The following LCK variants were observed in gnomAD, a reference collection of about 807,000 sequenced individuals.
The protein encoded by LCK is LCK proto-oncogene, Src family tyrosine kinase.
Under a neutral mutation model 64.6 loss-of-function variants are expected in LCK, and 14 were observed. That is an observed-to-expected ratio of 0.22 (90% confidence interval 0.14 to 0.34). LCK has a LOEUF of 0.34. LCK is among the 10% of genes least tolerant of loss of function. The probability of loss-of-function intolerance (pLI) is 1.00; values close to 1 mark genes in which losing one functional copy is unlikely to be tolerated. For synonymous variants in LCK, 277 were observed against 263.6 expected, an observed-to-expected ratio of 1.05 and a Z score of -0.49; for missense variants, 434 against 668.1, an observed-to-expected ratio of 0.65 and a Z score of 3.86.
intron 1 of LCK, among the ~76,000 whole-genome samples, chr1:32,273,335 A>G (rs1640162846): frequency 7.9e-6 from 1 of 125,828 alleles, no homozygotes; most frequent in Non-Finnish European, 1.7e-5. Context: ...GAGGTGGGAT[A>G]GGGGGTGCCT....
intron 12 of LCK, among the ~76,000 whole-genome samples, chr1:32,283,475 C>T (rs1391348464): frequency 6.6e-6 from 1 of 151,994 alleles, no homozygotes; most frequent in East Asian, 1.9e-4. Flanking sequence ...AATCTTTGTT[C>T]AGAAGACTGA....
At chr1:32,258,803 CAA>C (rs58703501) in intron 1 of LCK, among the ~76,000 whole-genome samples, 5,032 of 60,598 alleles carry the variant, frequency 0.083, 144 homozygotes, top group South Asian at 0.24. Context: ...GACTCCGTCT[CAA>C]AAAAAAAAAA....
At chr1:32,268,215 A>T (rs756042972) in intron 1 of LCK, among the ~76,000 whole-genome samples, 1 of 152,120 alleles carries the variant, frequency 6.6e-6, no homozygotes, top group African/African-American at 2.4e-5. Flanking sequence ...AAAAGAAAAA[A>T]GTAATGAGAG....
rs1191006285 is a variant in LCK, at chr1:32,275,781, C to G, written c.481+109C>G. On this transcript the variant is annotated intron_variant, in intron 6 of 12. Transcript: ENST00000336890. The surrounding 1 kb of genome is among the most constrained non-coding windows in gnomAD (Gnocchi z 6.9). ...ACACGGGGTGAGTCGGAGGGGGACGCGGGATGAGCCCGAGGTGGGGGCGCG... is the reference window on the plus strand; with the variant it reads ...ACACGGGGTGAGTCGGAGGGGGACGGGGGATGAGCCCGAGGTGGGGGCGCG... 4 of 1,331,544 alleles carry G rather than the reference C, an allele frequency of 3.0e-6. No individual in the cohort carries two copies. The highest frequency in any genetic ancestry group is 4.4e-5 in the Admixed American group (2 of 45,060). 82.5% of individuals were successfully genotyped at this position (1,331,544 alleles called of 1,614,324 possible). A position where few individuals can be genotyped will look rare whatever the true frequency, so the allele number is the denominator to read the frequency against.
At chr1:32,256,598 TAAA>T (rs947732140) in intron 1 of LCK, among the ~76,000 whole-genome samples, 1 of 146,198 alleles carries the variant, frequency 6.8e-6, no homozygotes, top group Non-Finnish European at 1.5e-5. Context: ...AACTCTGTCT[TAAA>T]AAAAAAAAGT....
chr1:32,282,529 G>C (rs181738925), intron 12 of LCK, among the ~76,000 whole-genome samples: 239 of 152,266 alleles, frequency 1.6e-3, no homozygotes, highest in African/African-American at 5.4e-3. Flanking sequence ...CTAGGGGCTG[G>C]GCACGGTGAC....
chr1:32,285,242 G>A (rs1246724962), intron 12 of LCK, among the ~76,000 whole-genome samples: 2 of 149,276 alleles, frequency 1.3e-5, no homozygotes, highest in African/African-American at 4.9e-5. Flanking sequence ...TGGAGGTTGC[G>A]GTGAGCCGAG....
chr1:32,258,452 A>G (rs1182401194), intron 1 of LCK, among the ~76,000 whole-genome samples: 1 of 149,736 alleles, frequency 6.7e-6, no homozygotes, highest in East Asian at 2.0e-4. Context: ...CCTGGGTGAC[A>G]GAGTGAGATG....
intron 1 of LCK, among the ~76,000 whole-genome samples, chr1:32,272,572 C>CG (rs1640105319): frequency 8.1e-5 from 4 of 49,250 alleles, no homozygotes; most frequent in East Asian, 1.9e-3. Context: ...GACCCTGTCT[C>CG]AAGAGAGAGA....
intron 1 of LCK, among the ~76,000 whole-genome samples, chr1:32,257,939 A>G (rs1289109793): frequency 1.3e-5 from 2 of 152,022 alleles, no homozygotes; most frequent in East Asian, 3.8e-4. Flanking sequence ...ATCCAAAATA[A>G]TGCTTTTTTT....
Position 32,254,442 on chromosome 1 carries a change from T to A in LCK, c.-6+3071T>A, listed in dbSNP as rs572540798. ...TTCCAGTGATTCTCCTGCCTTAGCC[T>A]CCCCAGTAACTGGGATTACAGGCGT... On this transcript the variant is annotated intron_variant, in intron 1 of 12. Transcript: ENST00000336890. Among the ~76,000 whole-genome samples, 11 of 152,300 alleles carry A rather than the reference T, an allele frequency of 7.2e-5. No individual in the cohort carries two copies. The South Asian group carries it at 1.9e-3, about 26-fold the overall frequency.
At chr1:32,263,928 A>G (rs1246582655) in intron 1 of LCK, among the ~76,000 whole-genome samples, 1 of 151,934 alleles carries the variant, frequency 6.6e-6, no homozygotes, top group African/African-American at 2.4e-5. Context: ...AAAAAAAAAA[A>G]GAAGAAGACC....
At position 32,268,566 on chromosome 1, in the gene LCK, C is replaced by A. The variant is rs555464657; in HGVS notation, c.-5-5759C>A. On this transcript the variant is annotated intron_variant, in intron 1 of 12. Coordinates refer to ENST00000336890, the MANE Select transcript of LCK (RefSeq NM_005356.5). ...TTTTGTGATTATTACACATTGTATGCCTCTATCAAAATATATCATGTACCC... is the reference window on the plus strand; with the variant it reads ...TTTTGTGATTATTACACATTGTATGACTCTATCAAAATATATCATGTACCC... 1.3e-3 allele frequency among the ~76,000 whole-genome samples: 195 copies of A among 151,836 alleles called. No homozygotes were observed. In the Middle Eastern group the frequency reaches 0.027, roughly 21 times the overall value.
At chr1:32,256,815 T>C (rs1639643593) in intron 1 of LCK, among the ~76,000 whole-genome samples, 1 of 152,158 alleles carries the variant, frequency 6.6e-6, no homozygotes, top group South Asian at 2.1e-4. Flanking sequence ...GTGTAAGTGA[T>C]TTTAGGGGAT....
chr1:32,284,910 G>A (rs1640569276), intron 12 of LCK, among the ~76,000 whole-genome samples: 1 of 152,182 alleles, frequency 6.6e-6, no homozygotes, highest in Non-Finnish European at 1.5e-5. Flanking sequence ...CTTGAACGGA[G>A]GAGTTCAAAT....
At chr1:32,264,961 CT>C (rs1220122647) in intron 1 of LCK, among the ~76,000 whole-genome samples, 2 of 151,954 alleles carry the variant, frequency 1.3e-5, no homozygotes, top group African/African-American at 4.8e-5. Flanking sequence ...AATCTCAGCA[CT>C]TTGGGAGGCC....
At chr1:32,280,621 A>G (rs1437230283) in intron 12 of LCK, among the ~76,000 whole-genome samples, 1 of 151,286 alleles carries the variant, frequency 6.6e-6, no homozygotes, top group Non-Finnish European at 1.5e-5. Flanking sequence ...ATGCGCAGCT[A>G]ATTTTTTGTA....
At chr1:32,284,165 G>A (rs1290276012) in intron 12 of LCK, among the ~76,000 whole-genome samples, 1 of 151,218 alleles carries the variant, frequency 6.6e-6, no homozygotes, top group African/African-American at 2.4e-5. Flanking sequence ...TTACAGGCGT[G>A]AGCCACCGCA....
intron 1 of LCK, among the ~76,000 whole-genome samples, chr1:32,255,737 G>A (rs1639614401): frequency 6.6e-6 from 1 of 151,834 alleles, no homozygotes; most frequent in Non-Finnish European, 1.5e-5. Context: ...CTCTCTGTCT[G>A]CTTACTTCTG....
Sources: allele counts gnomAD v4.1 joint callset (sites outside exome capture counted in the v4.1 genomes callset), GRCh38; gene constraint gnomAD v4.1.1; non-coding constraint Gnocchi (gnomAD v3.1); transcripts MANE v1.5; gene names NCBI Gene and HGNC (gene_info 2026-07-23, HGNC 2026-07-21).